The following EGFR variants were observed in gnomAD, a reference collection of about 807,000 sequenced individuals.
The protein encoded by EGFR is avian erythroblastic leukemia viral (v-erb-b) oncogene homolog.
In EGFR, 58 loss-of-function variants were observed where a neutral mutation model predicts 143.0. The observed-to-expected ratio is 0.41, with a 90% CI of 0.33 to 0.50. The LOEUF is 0.50. Among genes scored for constraint, EGFR ranks in the 20% least tolerant of loss-of-function variants. The pLI is 0.39. For missense variants in EGFR, 1,307 were observed against 1,579.0 expected (o/e 0.83, Z 2.92); for synonymous variants, 613 against 594.4 (o/e 1.03, Z -0.45).
At chr7:55,104,280 C>G (rs147626913) in intron 1 of EGFR, among the ~76,000 whole-genome samples, 1 of 152,330 alleles carries the variant, frequency 6.6e-6, no homozygotes, top group African/African-American at 2.4e-5. Flanking sequence ...CCATGGAATT[C>G]CCTAAGGCCG....
At chr7:55,022,048 TGA>T (rs1341993844) in intron 1 of EGFR, among the ~76,000 whole-genome samples, 2 of 152,190 alleles carry the variant, frequency 1.3e-5, no homozygotes, top group Non-Finnish European at 2.9e-5. Context: ...AGCCGGCTCA[TGA>T]CGATGAGCCT....
intron 1 of EGFR, among the ~76,000 whole-genome samples, chr7:55,128,128 A>T (rs546397182): frequency 6.6e-6 from 1 of 152,198 alleles, no homozygotes; most frequent in Non-Finnish European, 1.5e-5. Context: ...AGACCCAGGG[A>T]CTTGGCCCCA....
At chr7:55,121,404 G>T (rs138762654) in intron 1 of EGFR, among the ~76,000 whole-genome samples, 5 of 152,304 alleles carry the variant, frequency 3.3e-5, no homozygotes, top group African/African-American at 1.2e-4. Flanking sequence ...CAGTGGCATT[G>T]TGTGTTACCC....
At chr7:55,132,930 T>A (rs1303367723) in intron 1 of EGFR, among the ~76,000 whole-genome samples, 1 of 152,212 alleles carries the variant, frequency 6.6e-6, no homozygotes, top group Admixed American at 6.5e-5. Flanking sequence ...CAAAGGGTCA[T>A]CATGCAACCT....
intron 1 of EGFR, among the ~76,000 whole-genome samples, chr7:55,065,174 A>G (rs1257144224): frequency 6.6e-6 from 1 of 152,182 alleles, no homozygotes; most frequent in African/African-American, 2.4e-5. Context: ...ACTTCCTCAG[A>G]TGTGCAACTC....
intron 15 of EGFR, chr7:55,170,232 G>T: frequency 6.2e-7 from 1 of 1,612,014 alleles, no homozygotes; most frequent in Non-Finnish European, 8.5e-7. Context: ...AAACTGTTAG[G>T]ATCAGATTAT....
intron 1 of EGFR, among the ~76,000 whole-genome samples, chr7:55,086,833 G>A (rs977849578): frequency 3.9e-5 from 6 of 152,176 alleles, no homozygotes; most frequent in Non-Finnish European, 7.3e-5. Context: ...CTTCAAAGCC[G>A]TGAGTCAACC....
intron 6 of EGFR, among the ~76,000 whole-genome samples, chr7:55,152,905 C>T (rs1785230568): frequency 6.6e-6 from 1 of 152,214 alleles, no homozygotes; most frequent in African/African-American, 2.4e-5. Context: ...TGATGCATAA[C>T]AAAGTCTCTC....
chr7:55,019,504 C>A, intron 1 of EGFR, 139 bp downstream of exon 1: 2 of 351,662 alleles, frequency 5.7e-6, no homozygotes, highest in Non-Finnish European at 8.8e-6. Flanking sequence ...AGATCAGCTG[C>A]GCCGCCGACC....
rs17335787 is a variant in EGFR at position 55,043,385 on chromosome 7, G to T, written c.88+24020G>T. On this transcript the variant is annotated intron_variant, in intron 1 of 27. Transcript: ENST00000275493. ...TTGTTTGTTTTGTTTTTGAGACAGA[G>T]TCTCACTTTGTCACCCAGGCTGGAG... 2.0e-4 allele frequency among the ~76,000 whole-genome samples: 30 copies of T among 152,276 alleles called. 1 individual carries two copies. In the South Asian group the frequency reaches 5.6e-3, roughly 28 times the overall value.
At chr7:55,117,173 A>G (rs1390997370) in intron 1 of EGFR, among the ~76,000 whole-genome samples, 1 of 152,246 alleles carries the variant, frequency 6.6e-6, no homozygotes, top group African/African-American at 2.4e-5. Context: ...TACATCTTCC[A>G]TATCAATTAC....
At chr7:55,101,056 C>A (rs56174870) in intron 1 of EGFR, among the ~76,000 whole-genome samples, 16 of 152,222 alleles carry the variant, frequency 1.1e-4, no homozygotes, top group Non-Finnish European at 1.6e-4. Flanking sequence ...TCTCCTCCCG[C>A]GGCTGAGCAG....
rs1386507089 is a variant in EGFR, at chr7:55,210,342, C to T, written c.*4725C>T. The T allele has an allele frequency of 6.6e-6, 1 of 152,206 alleles. No individual in the cohort carries two copies. The highest frequency in any genetic ancestry group is 1.5e-5 in the Non-Finnish European group (1 of 68,042). The allele number at this position is 152,206 out of a possible 1,614,324, so 9.4% of individuals were successfully genotyped here. A position where few individuals can be genotyped will look rare whatever the true frequency, so the allele number is the denominator to read the frequency against. Reference sequence around the variant, plus strand: ...TTGGTTAGTTCACCAACAGTCTTACCAAGCCTGGGCCCAGCCACCCTAGAG... The same window carrying T: ...TTGGTTAGTTCACCAACAGTCTTACTAAGCCTGGGCCCAGCCACCCTAGAG... On this transcript the variant is annotated 3_prime_UTR_variant, in exon 28 of 28. Transcript: ENST00000275493.
At chr7:55,098,161 A>G (rs1361758563) in intron 1 of EGFR, among the ~76,000 whole-genome samples, 2 of 152,258 alleles carry the variant, frequency 1.3e-5, no homozygotes, top group African/African-American at 4.8e-5. Flanking sequence ...ATCTGGTTGC[A>G]GACCATAAAG....
At chr7:55,151,922 C>G (rs555046031) in intron 5 of EGFR, among the ~76,000 whole-genome samples, 8 of 152,326 alleles carry the variant, frequency 5.3e-5, no homozygotes, top group African/African-American at 1.9e-4. Flanking sequence ...TCAGCAAGTA[C>G]CCCAGCCCTG....
At position 55,157,738 on chromosome 7, in the gene EGFR, G is replaced by A. The variant is rs606231253; in HGVS notation, c.1283G>A (p.Gly428Asp). ...TTTGAGAACCTAGAAATCATACGCG[G>A]CAGGACCAAGCAACAGTAAGTTGAC... ...HAFENLEIIR[G>D]RTKQHGQFSL... is the part of the protein sequence containing the mutation. The change falls in exon 11 of 28, where the codon GGC becomes GAC. Residue 428 changes from glycine (G) to aspartate (D), a missense_variant. Coordinates refer to ENST00000275493, the MANE Select transcript of EGFR (RefSeq NM_005228.5). 5.6e-6 allele frequency: 9 copies of A among 1,614,214 alleles called. No individual in the cohort carries two copies. The highest frequency in any genetic ancestry group is 6.8e-6 in the Non-Finnish European group (8 of 1,180,036).
At chr7:55,060,221 T>C (rs1165547347) in intron 1 of EGFR, among the ~76,000 whole-genome samples, 5 of 152,272 alleles carry the variant, frequency 3.3e-5, no homozygotes, top group Non-Finnish European at 7.3e-5. Flanking sequence ...TGTGAGATTA[T>C]ATGGTTATAT....
chr7:55,102,654 G>GA (rs1411762560), intron 1 of EGFR, among the ~76,000 whole-genome samples: 3 of 152,000 alleles, frequency 2.0e-5, no homozygotes, highest in South Asian at 2.1e-4. Context: ...ATGCTTTTTG[G>GA]AAAAAACATT....
At chr7:55,118,297 A>G (rs1792990709) in intron 1 of EGFR, among the ~76,000 whole-genome samples, 1 of 152,188 alleles carries the variant, frequency 6.6e-6, no homozygotes. Flanking sequence ...GCAGATGGTC[A>G]GGCCCTCCTA....
Sources: allele counts gnomAD v4.1 joint callset (sites outside exome capture counted in the v4.1 genomes callset), GRCh38; gene constraint gnomAD v4.1.1; transcripts MANE v1.5; gene names NCBI Gene and HGNC (gene_info 2026-07-23, HGNC 2026-07-21).